PIH1D2: variants seen among roughly 807,000 people sequenced by gnomAD.
PIH1D2 encodes PIH1 domain-containing protein 2.
A neutral mutation model predicts 31.2 loss-of-function variants in PIH1D2; 25 were observed. The observed-to-expected ratio is 0.80, with a 90% CI of 0.58 to 1.12. The LOEUF is 1.12. Ranked by LOEUF, PIH1D2 falls within the 50% of genes most tolerant of loss-of-function variation. The probability of loss-of-function intolerance (pLI) is 0.00; values close to 1 mark genes in which losing one functional copy is unlikely to be tolerated. For missense variants in PIH1D2, 310 were observed against 356.6 expected, an observed-to-expected ratio of 0.87 and a Z score of 1.05; for synonymous variants, 116 against 119.9, an observed-to-expected ratio of 0.97 and a Z score of 0.21.
downstream of PIH1D2, chr11:112,067,685 A>AAAAAAATATATATATAT: frequency 1.1e-4 from 2 of 17,804 alleles, no homozygotes; most frequent in African/African-American, 3.5e-4. Context: ...AAAAAAAAAA[A>AAAAAAATATATATATAT]ATATATATAT....
At chr11:112,064,362 T>G, downstream of PIH1D2, 6 of 666,138 alleles carry the variant, frequency 9.0e-6, no homozygotes, top group Non-Finnish European at 1.2e-5. Flanking sequence ...TTCATATGAT[T>G]ATTTAAAAAT....
At chr11:112,068,876 A>G (rs781810585) in intron 5 of PIH1D2, among the ~76,000 whole-genome samples, 1 of 152,152 alleles carries the variant, frequency 6.6e-6, no homozygotes, top group East Asian at 1.9e-4. Flanking sequence ...TTCAGCAAGT[A>G]AGGGATAAAA....
downstream of PIH1D2, chr11:112,059,995 C>A: frequency 6.2e-7 from 1 of 1,613,924 alleles, no homozygotes; most frequent in South Asian, 1.1e-5. Flanking sequence ...GGAGTGGAAA[C>A]CATTGCTAAT....
downstream of PIH1D2, chr11:112,059,905 AT>A (rs782113233): frequency 6.2e-7 from 1 of 1,603,054 alleles, no homozygotes; most frequent in Admixed American, 1.7e-5. Context: ...TTAAACAGAA[AT>A]CATGTTGTTG....
intron 3 of PIH1D2, 132 bp downstream of exon 3, chr11:112,071,503 G>T (rs1865108535): frequency 1.5e-6 from 2 of 1,298,946 alleles, no homozygotes; most frequent in Admixed American, 2.5e-5. Context: ...TATTAAATTT[G>T]CATAAAGATA....
downstream of PIH1D2, among the ~76,000 whole-genome samples, chr11:112,066,125 T>G (rs1555183809): frequency 6.6e-6 from 1 of 152,208 alleles, no homozygotes; most frequent in African/African-American, 2.4e-5. Flanking sequence ...ACTAGAAACT[T>G]TATTACAAGG....
At chr11:112,069,684 A>G (rs1175148388) in intron 5 of PIH1D2, 3 of 152,228 alleles carry the variant, frequency 2.0e-5, no homozygotes, top group Admixed American at 6.5e-5. Context: ...CTGGGGAGCT[A>G]GGTAATTACA....
At chr11:112,063,999 G>A (rs1360682726), downstream of PIH1D2, 5 of 587,480 alleles carry the variant, frequency 8.5e-6, no homozygotes, top group African/African-American at 9.4e-5. Context: ...TGGTACACAA[G>A]TGACACTCCA....
downstream of PIH1D2, chr11:112,067,685 A>AAAAAAAAAAATATATATATATATAT: frequency 4.5e-4 from 8 of 17,792 alleles, no homozygotes; most frequent in Non-Finnish European, 6.7e-4. Flanking sequence ...AAAAAAAAAA[A>AAAAAAAAAAATATATATATATATAT]ATATATATAT....
chr11:112,058,465 A>G (rs1277331573), downstream of PIH1D2, among the ~76,000 whole-genome samples: 3 of 152,160 alleles, frequency 2.0e-5, no homozygotes, highest in East Asian at 5.8e-4. Flanking sequence ...AAAGAGCTGG[A>G]GTTCTTTGGA....
rs142914267 is a variant in PIH1D2, at chr11:112,073,994, C to T, written c.-46G>A. ...GGCAAACCCACCTCTTCTCTCAGTT[C>T]CTTGACAAACCGCGACGCCTGTTAC... On this transcript the variant is annotated 5_prime_UTR_variant, in exon 1 of 6. Transcript: ENST00000280350. 19 of 174,788 alleles carry T rather than the reference C, an allele frequency of 1.1e-4. No homozygotes were observed. Among genetic ancestry groups the T allele is most frequent in the Admixed American group, 6.3e-4 (10 of 15,916 alleles). 10.8% of individuals were successfully genotyped at this position (174,788 alleles called of 1,614,324 possible).
chr11:112,070,707 T>TG lies in PIH1D2; in HGVS notation c.548-7dup. On this transcript the variant is annotated splice_polypyrimidine_tract_variant and splice_region_variant and intron_variant, in intron 4 of 5. Coordinates refer to ENST00000280350, the MANE Select transcript of PIH1D2 (RefSeq NM_138789.4). ...TATCTGTCCAAGAGTTAGTTCTTTA[T>TG]GAAAAAAAGGGTGGAGGGGAGATAA... 1 of 1,598,864 alleles carries TG rather than the reference T, an allele frequency of 6.3e-7. No homozygotes were observed. The highest frequency in any genetic ancestry group is 8.5e-7 in the Non-Finnish European group (1 of 1,173,770).
At position 112,068,002 on chromosome 11, in the gene PIH1D2, C is replaced by A; in HGVS notation, c.817G>T (p.Asp273Tyr). Reference sequence around the variant, plus strand: ...TTCTCAGATACTTCAATCAATAAATCATCCTAAGAATAATAAACCAAGAGA... The same window carrying A: ...TTCTCAGATACTTCAATCAATAAATAATCCTAAGAATAATAAACCAAGAGA... ...SLCDLSVSEDDLLIEVSEKYR... is the reference protein window; with the variant it reads ...SLCDLSVSEDYLLIEVSEKYR... The change falls in exon 6 of 6, where the codon GAT becomes TAT. Residue 273 changes from aspartate to tyrosine, a missense_variant. Asp to Tyr is a radical substitution (Grantham distance 160). Transcript: ENST00000280350. The A allele has an allele frequency of 6.4e-7, 1 of 1,560,760 alleles. No homozygotes were observed. Among genetic ancestry groups the A allele is most frequent in the Non-Finnish European group, 8.8e-7 (1 of 1,140,130 alleles).
At chr11:112,062,777 ATG>A, downstream of PIH1D2, 1 of 468,120 alleles carries the variant, frequency 2.1e-6, no homozygotes, top group Non-Finnish European at 3.9e-6. Context: ...ATTAAGGGAC[ATG>A]TATGTGGCCT....
At chr11:112,061,010 A>C, downstream of PIH1D2, 2 of 1,535,716 alleles carry the variant, frequency 1.3e-6, no homozygotes, top group Non-Finnish European at 1.8e-6. Flanking sequence ...GACAAACTAT[A>C]ATTTATTTTT....
the PIH1D2 span, among the ~76,000 whole-genome samples, chr11:112,055,033 C>A: frequency 2.0e-5 from 3 of 152,046 alleles, no homozygotes; most frequent in African/African-American, 7.2e-5. Flanking sequence ...AGACCTTTTT[C>A]CAAATAAGGT....
downstream of PIH1D2, among the ~76,000 whole-genome samples, chr11:112,059,169 T>A (rs1221462414): frequency 6.6e-6 from 1 of 152,114 alleles, no homozygotes; most frequent in Non-Finnish European, 1.5e-5. Flanking sequence ...TCACTCTTCC[T>A]TTCATCTGCT....
At chr11:112,054,624 G>A in the PIH1D2 span, among the ~76,000 whole-genome samples, 4 of 152,118 alleles carry the variant, frequency 2.6e-5, no homozygotes, top group African/African-American at 9.6e-5. Flanking sequence ...CTTTTCCTTG[G>A]TCATTCTTCA....
In PIH1D2 at chr11:112,070,560, A is replaced by G; in HGVS notation, c.689T>C (p.Met230Thr). 1 of 1,614,180 alleles carries G rather than the reference A, an allele frequency of 6.2e-7. No homozygotes were observed. Among genetic ancestry groups the G allele is most frequent in the Non-Finnish European group, 8.5e-7 (1 of 1,180,026 alleles). ...TTTTAGTTCATAGGCTGGCATCTTCATCTCCACCTGGATTTCAGTACTGGA... is the reference window on the plus strand; with the variant it reads ...TTTTAGTTCATAGGCTGGCATCTTCGTCTCCACCTGGATTTCAGTACTGGA... Reference protein sequence around the residue: ...EISSTEIQVEMKMPAYELKIV... With the variant: ...EISSTEIQVETKMPAYELKIV... Residue 230 changes from methionine (M) to threonine (T), a missense_variant, in exon 5 of 6, where the codon ATG becomes ACG. Coordinates refer to ENST00000280350, the MANE Select transcript of PIH1D2 (RefSeq NM_138789.4).
Sources: gnomAD v4.1 joint callset for allele counts (sites outside exome capture counted in the v4.1 genomes callset) on GRCh38, gnomAD v4.1.1 for gene constraint, MANE v1.5 for transcripts, NCBI Gene and HGNC (gene_info 2026-07-23, HGNC 2026-07-21) for gene names.